CAPN3: variants seen among roughly 807,000 people sequenced by gnomAD.
CAPN3 encodes the protein calpain 3.
CAPN3 carries 88 observed loss-of-function variants against 114.0 expected under a neutral mutation model. That is an observed-to-expected ratio of 0.77 (90% CI 0.65 to 0.92). The LOEUF (loss-of-function observed/expected upper bound fraction) is 0.92. Among genes scored for constraint, CAPN3 ranks in the 40% least tolerant of loss-of-function variants. The pLI is 0.00. For synonymous variants in CAPN3, 386 were observed against 382.9 expected, an observed-to-expected ratio of 1.01 and a Z score of -0.09; for missense variants, 1,028 against 1,069.0, an observed-to-expected ratio of 0.96 and a Z score of 0.53.
At chr15:42,411,658 C>G (rs1031837898) in intron 23 of CAPN3, 89 bp from the exon 24 acceptor site, 5 of 834,318 alleles carry the variant, frequency 6.0e-6, no homozygotes, top group Non-Finnish European at 1.0e-5. Context: ...GGACTGTTCC[C>G]TTTCCTCTTG....
rs1026642848 is a variant in CAPN3 at position 42,394,324 on chromosome 15, C to A, written c.1098C>A (p.Asn366Lys). The A allele has an allele frequency of 5.8e-6, 9 of 1,561,218 alleles. No individual in the cohort carries two copies. In the South Asian group the frequency reaches 8.3e-5, roughly 14 times the overall value. Residue 366 changes from asparagine (N) to lysine (K), a missense_variant, in exon 8 of 24, where the codon AAC becomes AAA. Coordinates refer to ENST00000397163, the MANE Select transcript of CAPN3 (RefSeq NM_000070.3). ...LRNPWGQVEW[N>K]GSWSDRWKDW... The stretch of plus-strand genomic sequence containing the variant: ...ATCCGTGGGGCCAGGTGGAGTGGAA[C>A]GGTTCTTGGAGTGATAGGTAGGTGA...
At chr15:42,360,359 TTC>T (rs1217339427) in intron 1 of CAPN3, among the ~76,000 whole-genome samples, 1 of 150,160 alleles carries the variant, frequency 6.7e-6, no homozygotes, top group Non-Finnish European at 1.5e-5. Context: ...CTCTGGCTCT[TTC>T]TCTCTGAAAA....
Position 42,412,254 on chromosome 15 carries a change from A to G in CAPN3, c.*481A>G. The stretch of plus-strand genomic sequence containing the variant: ...AGGGCTGGTTACTTTGGGCTGTCCA[A>G]CTCATAAGTTTGGCTGCATTTTGAA... On this transcript the variant is annotated 3_prime_UTR_variant, in exon 24 of 24. Coordinates refer to ENST00000397163, the MANE Select transcript of CAPN3 (RefSeq NM_000070.3). 1 of 1,423,442 alleles carries G rather than the reference A, an allele frequency of 7.0e-7. No individual in the cohort carries two copies. The highest frequency in any genetic ancestry group is 9.5e-7 in the Non-Finnish European group (1 of 1,050,920). The allele number at this position is 1,423,442 out of a possible 1,614,324, so 88.2% of individuals were successfully genotyped here.
At chr15:42,394,094 C>G (rs368624599) in intron 7 of CAPN3, among the ~76,000 whole-genome samples, 162 bp from the exon 8 acceptor site, 1 of 152,170 alleles carries the variant, frequency 6.6e-6, no homozygotes, top group African/African-American at 2.4e-5. Context: ...CCACCCCCTG[C>G]CATTCCCCAG....
chr15:42,374,806 T>TC (rs1246103049), intron 1 of CAPN3, among the ~76,000 whole-genome samples: 1 of 138,584 alleles, frequency 7.2e-6, no homozygotes, highest in African/African-American at 2.7e-5. Flanking sequence ...TTTTTTTTTT[T>TC]TTTTTTTTTT....
rs1001779966 is a variant in CAPN3 at position 42,411,831 on chromosome 15, C to CTAT, written c.*60_*62dup. 1.9e-5 allele frequency: 31 copies of CTAT among 1,613,702 alleles called. No homozygotes were observed. The highest frequency in any genetic ancestry group is 5.3e-5 in the African/African-American group (4 of 74,884). On this transcript the variant is annotated 3_prime_UTR_variant, in exon 24 of 24. Coordinates refer to ENST00000397163, the MANE Select transcript of CAPN3 (RefSeq NM_000070.3). ...TCACTCAGGATTTCAGTTTCACCCT[C>CTAT]TATTTCCAAAGCCATTTACCTCAAA...
chr15:42,412,108 G>C lies in CAPN3; in HGVS notation c.*335G>C. The C allele has an allele frequency of 1.3e-6, 2 of 1,535,640 alleles. No homozygotes were observed. The highest frequency in any genetic ancestry group is 1.7e-6 in the Non-Finnish European group (2 of 1,146,800). ...TAGGCTGTCTGCAGAAGCACCTGCC[G>C]GTGGCACTCAGCACCTCCTTGTGCT... On this transcript the variant is annotated 3_prime_UTR_variant, in exon 24 of 24. Transcript: ENST00000397163.
At chr15:42,375,539 A>G (rs1477299080) in intron 1 of CAPN3, among the ~76,000 whole-genome samples, 3 of 152,178 alleles carry the variant, frequency 2.0e-5, no homozygotes, top group African/African-American at 7.2e-5. Context: ...TAGAGCAGGC[A>G]AGAAACTCTC....
At chr15:42,360,198 A>G in intron 1 of CAPN3, 84 bp downstream of exon 1, 1 of 1,448,830 alleles carries the variant, frequency 6.9e-7, no homozygotes, top group Non-Finnish European at 9.7e-7. Flanking sequence ...TCAGCTGTGC[A>G]CATGGGCACT....
At chr15:42,385,912 G>A (rs750394578) in intron 2 of CAPN3, 1 of 694,564 alleles carries the variant, frequency 1.4e-6, no homozygotes, top group Non-Finnish European at 2.7e-6. Context: ...ACTGCAGTTG[G>A]AGGAACTGCC....
Position 42,409,976 on chromosome 15 carries a change from G to C in CAPN3, c.2096G>C (p.Ser699Thr). 6.2e-7 allele frequency: 1 copy of C among 1,612,092 alleles called. No individual in the cohort carries two copies. The highest frequency in any genetic ancestry group is 1.1e-5 in the South Asian group (1 of 91,004). Residue 699 changes from serine to threonine, a missense_variant, in exon 19 of 24, where the codon AGC becomes ACC. Physicochemically the swap from Ser to Thr is moderately conservative, Grantham distance 58. Transcript: ENST00000397163. ...THGFTLESCR[S>T]MIALMDTDGS... The stretch of plus-strand genomic sequence containing the variant: ...GGGTTCACACTGGAGTCCTGCCGTA[G>C]CATGATTGCGCTCATGGATGTATCC...
Position 42,392,735 on chromosome 15 carries a change from G to C in CAPN3, c.1029+13G>C, listed in dbSNP as rs369084637. On this transcript the variant is annotated intron_variant, in intron 7 of 23. Transcript: ENST00000397163. ...GGGGCTGGATGAGGTAAGCCTGGTG[G>C]GGCTTGGTGGGGCAAGGGCACCCTC... 3.1e-6 allele frequency: 5 copies of C among 1,609,510 alleles called. No individual in the cohort carries two copies. The African/African-American group carries it at 5.3e-5, about 17-fold the overall frequency.
In CAPN3 at chr15:42,411,464, T is replaced by C. The variant is rs555667840; in HGVS notation, c.2439+119T>C. 125 of 988,682 alleles carry C rather than the reference T, an allele frequency of 1.3e-4. 1 individual carries two copies. In the Admixed American group the frequency reaches 2.0e-3, roughly 16 times the overall value. The allele number at this position is 988,682 out of a possible 1,614,324, so 61.2% of individuals were successfully genotyped here. On this transcript the variant is annotated intron_variant, in intron 23 of 23. Coordinates refer to ENST00000397163, the MANE Select transcript of CAPN3 (RefSeq NM_000070.3). ...TCCACACAGTGGTGGAGGGAAGGGA[T>C]AGGAACAGAACATGGAGGGAGGCTC...
intron 10 of CAPN3, 107 bp from the exon 11 acceptor site, chr15:42,401,534 T>C: frequency 3.1e-6 from 2 of 644,706 alleles, no homozygotes; most frequent in Non-Finnish European, 5.1e-6. Context: ...TGATATTTCC[T>C]AAGCACCTAG....
At chr15:42,365,174 A>C (rs909050387) in intron 1 of CAPN3, among the ~76,000 whole-genome samples, 3 of 152,124 alleles carry the variant, frequency 2.0e-5, no homozygotes, top group Non-Finnish European at 4.4e-5. Context: ...TGGAGAAGGA[A>C]GGGCCCACCG....
At chr15:42,381,580 G>A (rs2053252341) in intron 1 of CAPN3, among the ~76,000 whole-genome samples, 1 of 151,976 alleles carries the variant, frequency 6.6e-6, no homozygotes, top group South Asian at 2.1e-4. Flanking sequence ...TCACTCTGTC[G>A]CCCAAGCTGG....
At chr15:42,389,916 C>G (rs1485997989) in intron 5 of CAPN3, 37 bp from the exon 6 acceptor site, 8 of 1,612,424 alleles carry the variant, frequency 5.0e-6, no homozygotes, top group Non-Finnish European at 5.9e-6. Flanking sequence ...TCTCTCCCTC[C>G]CCTGTGTTGT....
chr15:42,411,435 C>A, intron 23 of CAPN3, 90 bp downstream of exon 23: 4 of 1,153,690 alleles, frequency 3.5e-6, no homozygotes, highest in African/African-American at 1.5e-5. Flanking sequence ...GTGTGCTCCT[C>A]ATTTCCACAC....
chr15:42,374,986 A>AATTTATTTATTT (rs71431847), intron 1 of CAPN3, among the ~76,000 whole-genome samples: 91 of 134,026 alleles, frequency 6.8e-4, no homozygotes, highest in East Asian at 1.5e-3. Context: ...TTTAAATAAA[A>AATTTATTTATTT]ATTTATTTAT....
Sources: gnomAD v4.1 joint callset for allele counts (sites outside exome capture counted in the v4.1 genomes callset) on GRCh38, gnomAD v4.1.1 for gene constraint, MANE v1.5 for transcripts, NCBI Gene and HGNC (gene_info 2026-07-23, HGNC 2026-07-21) for gene names.